The following TFG variants were observed in gnomAD, a reference collection of about 807,000 sequenced individuals.
The protein encoded by TFG is protein TFG.
Under a neutral mutation model 51.4 loss-of-function variants are expected in TFG, and 22 were observed. The observed-to-expected ratio is 0.43, with a 90% CI of 0.31 to 0.61. TFG has a LOEUF of 0.61. Among genes scored for constraint, TFG ranks in the 20% least tolerant of loss-of-function variants. TFG has a pLI of 0.12. For missense variants in TFG, 419 were observed against 487.7 expected (o/e 0.86, Z 1.33); for synonymous variants, 187 against 165.6 (o/e 1.13, Z -0.99).
chr3:100,717,296 A>G (rs1426660875), intron 2 of TFG, among the ~76,000 whole-genome samples: 1 of 152,270 alleles, frequency 6.6e-6, no homozygotes, highest in Non-Finnish European at 1.5e-5. Flanking sequence ...GTGCCAGTCC[A>G]TGCTTATTAC....
chr3:100,717,902 T>C (rs1027714628), intron 2 of TFG, among the ~76,000 whole-genome samples: 2 of 152,162 alleles, frequency 1.3e-5, no homozygotes, highest in Non-Finnish European at 2.9e-5. Context: ...TGGCTAGTAC[T>C]TGCTTAACTG....
chr3:100,713,652 A>C lies in TFG; in HGVS notation c.-34A>C. On this transcript the variant is annotated 5_prime_UTR_variant, in exon 2 of 8. Transcript: ENST00000240851. ...AAACCACTTTTATCAGTCTTTCTCT[A>C]GAGTTGTATATATAGAACATCCTGG... 5.3e-5 allele frequency: 75 copies of C among 1,424,700 alleles called. No homozygotes were observed. Among genetic ancestry groups the C allele is most frequent in the Middle Eastern group, 1.9e-4 (1 of 5,332 alleles). The allele number at this position is 1,424,700 out of a possible 1,614,324, so 88.3% of individuals were successfully genotyped here.
chr3:100,739,800 A>T (rs1362497701), intron 6 of TFG, among the ~76,000 whole-genome samples: 1 of 152,132 alleles, frequency 6.6e-6, no homozygotes, highest in East Asian at 1.9e-4. Context: ...ATTTCAGTAT[A>T]TATGTCCAAC....
chr3:100,738,648 T>G (rs2095113107), intron 6 of TFG, among the ~76,000 whole-genome samples: 1 of 152,222 alleles, frequency 6.6e-6, no homozygotes, highest in Non-Finnish European at 1.5e-5. Flanking sequence ...ATGCATTTAA[T>G]TTTTAGAGTA....
intron 3 of TFG, among the ~76,000 whole-genome samples, chr3:100,728,111 G>C (rs2095080932): frequency 6.6e-6 from 1 of 152,114 alleles, no homozygotes; most frequent in Admixed American, 6.5e-5. Context: ...TGGGATTACA[G>C]GTGTGAGCCA....
intron 6 of TFG, among the ~76,000 whole-genome samples, chr3:100,741,361 G>A (rs979640972): frequency 6.6e-6 from 1 of 152,090 alleles, no homozygotes; most frequent in African/African-American, 2.4e-5. Flanking sequence ...CTAGGCTAAT[G>A]TGTATGTTTG....
chr3:100,734,336 T>C (rs538721503), intron 5 of TFG, among the ~76,000 whole-genome samples: 1 of 152,310 alleles, frequency 6.6e-6, no homozygotes, highest in African/African-American at 2.4e-5. Context: ...TCTTGAGATA[T>C]CCTCGTCTGC....
intron 5 of TFG, among the ~76,000 whole-genome samples, chr3:100,734,872 G>A (rs1286154869): frequency 6.6e-6 from 1 of 152,154 alleles, no homozygotes; most frequent in Admixed American, 6.5e-5. Context: ...AGCTTTGTAT[G>A]TTGAATTATA....
At position 100,728,874 on chromosome 3, in the gene TFG, A is replaced by G. The variant is rs201290760; in HGVS notation, c.415+16A>G. On this transcript the variant is annotated intron_variant, in intron 4 of 7. Coordinates refer to ENST00000240851, the MANE Select transcript of TFG (RefSeq NM_006070.6). ...CCTGAAAATGGTAAACCCTGAATCC[A>G]TTGTATTCTGACTTATTGTTCTTAC... 3.0e-3 allele frequency: 4,728 copies of G among 1,584,602 alleles called. 16 individuals are homozygous for G. Among genetic ancestry groups the G allele is most frequent in the Non-Finnish European group, 3.5e-3 (4,073 of 1,168,204 alleles).
chr3:100,732,803 A>T, intron 5 of TFG, 131 bp downstream of exon 5: 1 of 703,408 alleles, frequency 1.4e-6, no homozygotes, highest in Non-Finnish European at 2.3e-6. Context: ...TCTGCTTAAC[A>T]AATTTTTACA....
intron 5 of TFG, among the ~76,000 whole-genome samples, chr3:100,734,316 C>T (rs1444041338): frequency 6.6e-6 from 1 of 152,074 alleles, no homozygotes; most frequent in Non-Finnish European, 1.5e-5. Context: ...CTGCATTTTT[C>T]TCTGAGCCTT....
chr3:100,728,591 T>G (rs2149077852), intron 3 of TFG, 121 bp from the exon 4 acceptor site: 1 of 804,418 alleles, frequency 1.2e-6, no homozygotes, highest in Non-Finnish European at 1.9e-6. Context: ...AGTTACTCCA[T>G]TACATTGATA....
chr3:100,713,914 A>T (rs2149057983), intron 2 of TFG, 45 bp downstream of exon 2: 2 of 1,275,576 alleles, frequency 1.6e-6, no homozygotes, highest in Non-Finnish European at 1.1e-6. Flanking sequence ...TTTTAAAAAA[A>T]AAAAAAAAAA....
chr3:100,736,766 GT>G (rs757062394), intron 6 of TFG, 50 bp downstream of exon 6: 1 of 848,724 alleles, frequency 1.2e-6, no homozygotes, highest in Non-Finnish European at 1.6e-6. Flanking sequence ...GTGTAGAAGT[GT>G]TTATTACAGC....
At chr3:100,736,945 A>G (rs2095108235) in intron 6 of TFG, among the ~76,000 whole-genome samples, 1 of 152,252 alleles carries the variant, frequency 6.6e-6, no homozygotes. Context: ...GAATATAGAT[A>G]CAGAGTGAAA....
rs777434458 is a variant in TFG, at chr3:100,736,685, A to G, written c.690A>G (p.Thr230=). Residue 230 remains threonine (T), a synonymous_variant, in exon 6 of 8, where the codon ACA becomes ACG. Coordinates refer to ENST00000240851, the MANE Select transcript of TFG (RefSeq NM_006070.6). ...PGVQPQQPPY[T]GAQTQAGQIE... ...TTCAGCCACAGCAGCCACCATATAC[A>G]GGAGCTCAGACTCAAGCAGGTCAGA... 11 of 1,613,914 alleles carry G rather than the reference A, an allele frequency of 6.8e-6. No individual in the cohort carries two copies. In the East Asian group the frequency reaches 1.3e-4, roughly 20 times the overall value.
rs113216779 is a variant in TFG at position 100,716,876 on chromosome 3, T to C, written c.184+3007T>C. ...AATGTCTGTTCAGATCATTTGCCGA[T>C]TTTAAAATCGGATTGATTGTTTTTT... On this transcript the variant is annotated intron_variant, in intron 2 of 7. Coordinates refer to ENST00000240851, the MANE Select transcript of TFG (RefSeq NM_006070.6). Among the ~76,000 whole-genome samples the C allele has an allele frequency of 1.1e-3, 163 of 152,256 alleles. 1 individual carries two copies. The highest frequency in any genetic ancestry group is 3.8e-3 in the African/African-American group (158 of 41,562).
chr3:100,713,052 T>C (rs2095035344), intron 1 of TFG, among the ~76,000 whole-genome samples: 1 of 152,164 alleles, frequency 6.6e-6, no homozygotes. Flanking sequence ...TGATACTAGG[T>C]TTTACTTAAC....
chr3:100,737,582 C>T (rs955748156), intron 6 of TFG, among the ~76,000 whole-genome samples: 3 of 152,174 alleles, frequency 2.0e-5, no homozygotes, highest in African/African-American at 7.2e-5. Flanking sequence ...TCAAAACAAA[C>T]ACCAGGTGGT....
Sources: gnomAD v4.1 joint callset for allele counts (sites outside exome capture counted in the v4.1 genomes callset) on GRCh38, gnomAD v4.1.1 for gene constraint, MANE v1.5 for transcripts, NCBI Gene and HGNC (gene_info 2026-07-23, HGNC 2026-07-21) for gene names.